Variants in WWOX observed in about 807,000 individuals in gnomAD.
WWOX encodes the protein WW domain containing oxidoreductase, also known as WW domain-containing oxidoreductase.
In WWOX, 69 loss-of-function variants were observed where a neutral mutation model predicts 46.2. The observed-to-expected ratio is 1.49, with a 90% CI of 1.23 to 1.82. The LOEUF is 1.82. WWOX is among the 40% of genes most tolerant of loss of function. The pLI, the probability that WWOX is intolerant of heterozygous loss-of-function variation, is 0.00. For missense variants in WWOX, 919 were observed against 542.6 expected (o/e 1.69, Z -6.89); for synonymous variants, 359 against 202.6 (o/e 1.77, Z -6.56).
intron 4 of WWOX, among the ~76,000 whole-genome samples, chr16:78,135,784 G>A (rs1356218717): frequency 6.6e-6 from 1 of 152,128 alleles, no homozygotes; most frequent in Non-Finnish European, 1.5e-5. Context: ...GTCGATCTGT[G>A]ATTCCTTTTT....
chr16:78,235,714 C>T (rs1020423945), intron 5 of WWOX, among the ~76,000 whole-genome samples: 2 of 149,908 alleles, frequency 1.3e-5, no homozygotes, highest in Admixed American at 1.3e-4. Context: ...AGCCAGGCCA[C>T]CCTGTTTACA....
intron 5 of WWOX, among the ~76,000 whole-genome samples, chr16:78,384,961 C>G (rs944980489): frequency 6.6e-6 from 1 of 152,074 alleles, no homozygotes; most frequent in Non-Finnish European, 1.5e-5. Flanking sequence ...TGGTGAAACC[C>G]CGTCTGTACT....
At chr16:79,073,629 T>C (rs2048593979) in intron 8 of WWOX, among the ~76,000 whole-genome samples, 1 of 152,202 alleles carries the variant, frequency 6.6e-6, no homozygotes, top group Non-Finnish European at 1.5e-5. Flanking sequence ...CTTTATTACC[T>C]ACTAATAAAA....
At chr16:78,245,115 A>G (rs2037775793) in intron 5 of WWOX, among the ~76,000 whole-genome samples, 1 of 152,324 alleles carries the variant, frequency 6.6e-6, no homozygotes, top group Middle Eastern at 3.4e-3. Flanking sequence ...AGAGATATGT[A>G]TATTTTTAAC....
intron 8 of WWOX, among the ~76,000 whole-genome samples, chr16:78,760,785 C>A (rs752505156): frequency 3.3e-5 from 5 of 152,174 alleles, no homozygotes; most frequent in African/African-American, 4.8e-5. Flanking sequence ...TCTGTTTTCA[C>A]TCTGCTGATA....
chr16:78,855,420 A>G (rs867036193), intron 8 of WWOX, among the ~76,000 whole-genome samples: 12 of 152,202 alleles, frequency 7.9e-5, no homozygotes, highest in Admixed American at 2.0e-4. Context: ...AGACAAATGC[A>G]GTGAGTTTAA....
intron 4 of WWOX, among the ~76,000 whole-genome samples, chr16:78,137,579 G>A (rs2033842987): frequency 6.6e-6 from 1 of 152,122 alleles, no homozygotes; most frequent in African/African-American, 2.4e-5. Flanking sequence ...GCCACAGAGG[G>A]AATTACCGTT....
chr16:78,725,506 C>A (rs568207687), intron 8 of WWOX, among the ~76,000 whole-genome samples: 1 of 151,438 alleles, frequency 6.6e-6, no homozygotes, highest in East Asian at 1.9e-4. Flanking sequence ...TGCCACCATG[C>A]ACGGCTAATT....
At chr16:78,911,558 C>T (rs939279541) in intron 8 of WWOX, among the ~76,000 whole-genome samples, 4 of 151,944 alleles carry the variant, frequency 2.6e-5, no homozygotes, top group African/African-American at 9.7e-5. Context: ...AAATTCTCCC[C>T]AGTGGCAATG....
chr16:78,671,170 C>A lies in WWOX; in HGVS notation c.1056+238418C>A, dbSNP rs111667991. ...AGGTACAGTGGCTCATGCCTGTAAT[C>A]CCAGCACTTTGGGAGGCTGAGGCAG... On this transcript the variant is annotated intron_variant, in intron 8 of 8. Transcript: ENST00000566780. Among the ~76,000 whole-genome samples, 7 of 152,292 alleles carry A rather than the reference C, an allele frequency of 4.6e-5. 1 individual carries two copies. The highest frequency in any genetic ancestry group is 1.7e-4 in the African/African-American group (7 of 41,570).
At chr16:78,739,532 C>T (rs933434223) in intron 8 of WWOX, among the ~76,000 whole-genome samples, 4 of 152,180 alleles carry the variant, frequency 2.6e-5, no homozygotes, top group Non-Finnish European at 5.9e-5. Flanking sequence ...AATTCCTTGG[C>T]TGGGCATGGT....
intron 8 of WWOX, among the ~76,000 whole-genome samples, chr16:79,084,947 C>G (rs950572619): frequency 6.6e-6 from 1 of 152,040 alleles, no homozygotes; most frequent in Non-Finnish European, 1.5e-5. Context: ...AATCAAAATA[C>G]AGACACAGTT....
chr16:78,939,172 C>T (rs1048731825), intron 8 of WWOX, among the ~76,000 whole-genome samples: 3 of 152,136 alleles, frequency 2.0e-5, no homozygotes, highest in Admixed American at 2.0e-4. Flanking sequence ...AGATGCCTCC[C>T]AGAACAGTTT....
chr16:79,147,601 A>T (rs2050204774), intron 8 of WWOX, among the ~76,000 whole-genome samples: 1 of 152,180 alleles, frequency 6.6e-6, no homozygotes, highest in Non-Finnish European at 1.5e-5. Context: ...TTTCTCTGGG[A>T]TAAATGCCCA....
At chr16:79,195,094 G>A (rs987370518) in intron 8 of WWOX, among the ~76,000 whole-genome samples, 1 of 152,084 alleles carries the variant, frequency 6.6e-6, no homozygotes, top group Non-Finnish European at 1.5e-5. Flanking sequence ...GAGCATACCC[G>A]TATCTCAGAT....
At chr16:78,831,762 A>G (rs2051832461) in intron 8 of WWOX, among the ~76,000 whole-genome samples, 1 of 152,206 alleles carries the variant, frequency 6.6e-6, no homozygotes, top group African/African-American at 2.4e-5. Context: ...GAAAATAATG[A>G]TTATAACTAT....
intron 8 of WWOX, among the ~76,000 whole-genome samples, chr16:79,143,939 A>G (rs982283882): frequency 3.3e-5 from 5 of 152,124 alleles, no homozygotes; most frequent in East Asian, 3.9e-4. Context: ...GGGTCTTGCT[A>G]TGTTACCCTG....
chr16:78,721,167 T>C (rs537805186), intron 8 of WWOX, among the ~76,000 whole-genome samples: 1 of 152,326 alleles, frequency 6.6e-6, no homozygotes, highest in African/African-American at 2.4e-5. Context: ...TGTCCCACAA[T>C]TGGCAAGTGC....
chr16:78,653,599 C>T (rs1040671056), intron 8 of WWOX, among the ~76,000 whole-genome samples: 1 of 152,238 alleles, frequency 6.6e-6, no homozygotes, highest in African/African-American at 2.4e-5. Flanking sequence ...CCTGGACTAG[C>T]AGTTGCCAGC....
Sources: allele counts gnomAD v4.1 joint callset (sites outside exome capture counted in the v4.1 genomes callset), GRCh38; gene constraint gnomAD v4.1.1; transcripts MANE v1.5; gene names NCBI Gene and HGNC (gene_info 2026-07-23, HGNC 2026-07-21).